The following CFAP61 variants were observed in gnomAD, a reference collection of about 807,000 sequenced individuals.
CFAP61 encodes the protein cilia- and flagella-associated protein 61.
A neutral mutation model predicts 135.6 loss-of-function variants in CFAP61; 107 were observed. That is an observed-to-expected ratio of 0.79 (90% CI 0.67 to 0.93). The LOEUF (loss-of-function observed/expected upper bound fraction) is 0.93, where lower values mean the gene tolerates loss of function less well. Among genes scored for constraint, CFAP61 ranks in the 40% least tolerant of loss-of-function variants. The pLI, the probability that CFAP61 is intolerant of heterozygous loss-of-function variation, is 0.00. For synonymous variants in CFAP61, 575 were observed against 578.5 expected (o/e 0.99, Z 0.09); for missense variants, 1,507 against 1,556.2 (o/e 0.97, Z 0.53).
At chr20:20,331,132 C>T (rs796750535) in intron 25 of CFAP61, among the ~76,000 whole-genome samples, 28 of 152,302 alleles carry the variant, frequency 1.8e-4, no homozygotes, top group African/African-American at 5.8e-4. Flanking sequence ...TTTTCTACTT[C>T]CATAATTCTT....
At chr20:20,057,353 A>C (rs2040717852) in intron 2 of CFAP61, among the ~76,000 whole-genome samples, 1 of 152,246 alleles carries the variant, frequency 6.6e-6, no homozygotes, top group Admixed American at 6.5e-5. Context: ...TTCAAATCTC[A>C]GCTGCCTCAC....
At chr20:20,190,389 TA>T (rs2055836633) in intron 14 of CFAP61, among the ~76,000 whole-genome samples, 1 of 152,322 alleles carries the variant, frequency 6.6e-6, no homozygotes, top group Admixed American at 6.5e-5. Flanking sequence ...GTTCCATTTG[TA>T]TGATACTTTG....
intron 18 of CFAP61, 72 bp downstream of exon 18, chr20:20,228,448 C>T: frequency 7.6e-7 from 1 of 1,323,962 alleles, no homozygotes; most frequent in South Asian, 1.3e-5. Flanking sequence ...CTGAAGAGAA[C>T]ACCATCAGAG....
chr20:20,221,609 A>G (rs2048408102), intron 17 of CFAP61: 2 of 152,142 alleles, frequency 1.3e-5, no homozygotes, highest in South Asian at 2.1e-4. Context: ...GAGGGGAGGC[A>G]ATTTACGTGC....
At position 20,086,061 on chromosome 20, in the gene CFAP61, A is replaced by C. The variant is rs146106681; in HGVS notation, c.567-4783A>C. Among the ~76,000 whole-genome samples, 1,294 of 152,192 alleles carry C rather than the reference A, an allele frequency of 8.5e-3. 20 individuals carry two copies. The highest frequency in any genetic ancestry group is 0.029 in the African/African-American group (1,214 of 41,500). Reference sequence around the variant, plus strand: ...CCCAGAGAGCAGGCTTTAGTGCGTCATCTGTGTCTTGCAGCTATTCTTGTC... The same window carrying C: ...CCCAGAGAGCAGGCTTTAGTGCGTCCTCTGTGTCTTGCAGCTATTCTTGTC... On this transcript the variant is annotated intron_variant, in intron 6 of 26. Transcript: ENST00000245957.
At chr20:20,295,522 C>A (rs2055358244) in intron 24 of CFAP61, among the ~76,000 whole-genome samples, 1 of 152,290 alleles carries the variant, frequency 6.6e-6, no homozygotes, top group Admixed American at 6.5e-5. Context: ...TCATCCCTTA[C>A]TGTGACGGGG....
intron 26 of CFAP61, among the ~76,000 whole-genome samples, chr20:20,342,734 C>T (rs1335057140): frequency 6.6e-6 from 1 of 152,222 alleles, no homozygotes; most frequent in African/African-American, 2.4e-5. Flanking sequence ...ACCCTGTTCC[C>T]AGTGCGTGCC....
Position 20,196,693 on chromosome 20 carries a change from A to G in CFAP61, c.1714A>G (p.Lys572Glu). The change falls in exon 16 of 27, where the codon AAG (lysine) becomes GAG (glutamate). Residue 572 changes from lysine to glutamate, a missense_variant. Transcript: ENST00000245957. Reference sequence around the variant, plus strand: ...CAACCCCATTTTCCGGCACTACACCAAGTTCTTTCTGAAGGAGATCCTGCG... The same window carrying G: ...CAACCCCATTTTCCGGCACTACACCGAGTTCTTTCTGAAGGAGATCCTGCG... ...ALNPIFRHYT[K>E]FFLKEILRLG... 2 of 1,614,128 alleles carry G rather than the reference A, an allele frequency of 1.2e-6. No individual in the cohort carries two copies. Among genetic ancestry groups the G allele is most frequent in the African/African-American group, 2.7e-5 (2 of 75,026 alleles).
intron 8 of CFAP61, among the ~76,000 whole-genome samples, chr20:20,115,907 G>A (rs1431768585): frequency 1.3e-5 from 2 of 152,202 alleles, no homozygotes; most frequent in African/African-American, 2.4e-5. Flanking sequence ...ACATGGAAGT[G>A]CAGATAGCTC....
chr20:20,346,293 G>C (rs1393504823), intron 26 of CFAP61, among the ~76,000 whole-genome samples: 1 of 149,642 alleles, frequency 6.7e-6, no homozygotes, highest in African/African-American at 2.4e-5. Flanking sequence ...GAGGCAGGTG[G>C]ATCGCCCGAG....
Position 20,054,150 on chromosome 20 carries a change from T to G in CFAP61, c.-37+1559T>G, listed in dbSNP as rs1434020096. Among the ~76,000 whole-genome samples the G allele has an allele frequency of 3.3e-5, 5 of 152,176 alleles. No individual in the cohort carries two copies. The East Asian group carries it at 9.6e-4, about 29-fold the overall frequency. On this transcript the variant is annotated intron_variant, in intron 1 of 26. Transcript: ENST00000245957. Reference sequence around the variant, plus strand: ...CTTGTATTCCACTTCTTTCTGATTTTATTCTTCTCAGAATATACCATCTCC... The same window carrying G: ...CTTGTATTCCACTTCTTTCTGATTTGATTCTTCTCAGAATATACCATCTCC...
At chr20:20,246,566 G>C (rs1247306829) in intron 19 of CFAP61, among the ~76,000 whole-genome samples, 1 of 152,214 alleles carries the variant, frequency 6.6e-6, no homozygotes, top group East Asian at 1.9e-4. Flanking sequence ...GCCTGGCTGG[G>C]ATATGGGTCC....
chr20:20,064,032 A>ACCCCCCCC lies in CFAP61; in HGVS notation c.144-6820_144-6819insCCCCCCCC, dbSNP rs373522191. 4.9e-4 allele frequency among the ~76,000 whole-genome samples: 56 copies of ACCCCCCCC among 113,332 alleles called. 1 individual carries two copies. The highest frequency in any genetic ancestry group is 6.7e-4 in the South Asian group (2 of 3,006). The allele number at this position is 113,332 out of a possible 152,430, so 74.4% of individuals were successfully genotyped here. A position where few individuals can be genotyped will look rare whatever the true frequency, so the allele number is the denominator to read the frequency against. ...CATTAAGGAAAGCCTAAATAGAGTAACCGCCCCCCACCCCGCCTTATCTGA... is the reference window on the plus strand; with the variant it reads ...CATTAAGGAAAGCCTAAATAGAGTAACCCCCCCCCCGCCCCCCACCCCGCCTTATCTGA... On this transcript the variant is annotated intron_variant, in intron 2 of 26. Transcript: ENST00000245957.
chr20:20,248,134 A>G (rs1049531504), intron 19 of CFAP61, among the ~76,000 whole-genome samples: 1 of 152,180 alleles, frequency 6.6e-6, no homozygotes, highest in African/African-American at 2.4e-5. Flanking sequence ...AATAATGTGG[A>G]ACAGAGGAAA....
rs78766156 is a variant in CFAP61 at position 20,141,462 on chromosome 20, T to C, written c.860-1395T>C. The stretch of plus-strand genomic sequence containing the variant: ...GACAGTTTTTATTTTCCTCAAAGCA[T>C]CTTTCTTCAGAAGAGGGATTCTAAG... On this transcript the variant is annotated intron_variant, in intron 8 of 26. Transcript: ENST00000245957. Among the ~76,000 whole-genome samples, 418 of 152,312 alleles carry C rather than the reference T, an allele frequency of 2.7e-3. 2 individuals carry two copies. Among genetic ancestry groups the C allele is most frequent in the African/African-American group, 9.8e-3 (406 of 41,572 alleles).
chr20:20,333,032 A>C (rs1569306290), intron 25 of CFAP61, among the ~76,000 whole-genome samples: 1 of 152,230 alleles, frequency 6.6e-6, no homozygotes, highest in Admixed American at 6.5e-5. Flanking sequence ...AGTACTTTCA[A>C]ATGGAGGAAA....
intron 8 of CFAP61, among the ~76,000 whole-genome samples, chr20:20,120,386 A>G (rs1232772483): frequency 6.6e-6 from 1 of 152,074 alleles, no homozygotes; most frequent in Non-Finnish European, 1.5e-5. Flanking sequence ...GAATTTCTTC[A>G]TTGACTCATT....
At chr20:20,153,608 C>G (rs1476286738) in intron 9 of CFAP61, among the ~76,000 whole-genome samples, 1 of 152,014 alleles carries the variant, frequency 6.6e-6, no homozygotes, top group Non-Finnish European at 1.5e-5. Context: ...ACTAGAAAAT[C>G]TTGAGGAGAT....
intron 2 of CFAP61, among the ~76,000 whole-genome samples, chr20:20,064,186 A>G (rs2045060679): frequency 6.6e-6 from 1 of 152,172 alleles, no homozygotes. Context: ...TTCCATCGTA[A>G]CTAAGCATTT....
Sources: allele counts gnomAD v4.1 joint callset (sites outside exome capture counted in the v4.1 genomes callset), GRCh38; gene constraint gnomAD v4.1.1; transcripts MANE v1.5; gene names NCBI Gene and HGNC (gene_info 2026-07-23, HGNC 2026-07-21).